RBFOX1: variants seen among roughly 807,000 people sequenced by gnomAD.
The protein encoded by RBFOX1 is RNA binding fox-1 homolog 1.
Under a neutral mutation model 57.7 loss-of-function variants are expected in RBFOX1, and 8 were observed. The observed-to-expected ratio is 0.14, with a 90% confidence interval of 0.08 to 0.25. RBFOX1 has a LOEUF of 0.25. RBFOX1 is among the 10% of genes least tolerant of loss of function. The probability of loss-of-function intolerance (pLI) is 1.00; values close to 1 mark genes in which losing one functional copy is unlikely to be tolerated. For missense variants in RBFOX1, 611 were observed against 548.5 expected, an observed-to-expected ratio of 1.11 and a Z score of -1.14; for synonymous variants, 326 against 222.4, an observed-to-expected ratio of 1.47 and a Z score of -4.15.
At chr16:6,656,821 A>C (rs1207398790) in intron 3 of RBFOX1, among the ~76,000 whole-genome samples, 2 of 152,096 alleles carry the variant, frequency 1.3e-5, no homozygotes, top group African/African-American at 4.8e-5. Context: ...TAAAATTCTC[A>C]GTGTCTTACT....
chr16:7,156,919 A>G (rs1351448834), intron 4 of RBFOX1, among the ~76,000 whole-genome samples: 2 of 152,182 alleles, frequency 1.3e-5, no homozygotes, highest in African/African-American at 4.8e-5. Context: ...TTACATTCCT[A>G]TAATATATGT....
chr16:6,858,033 C>G (rs1420825119), intron 3 of RBFOX1, among the ~76,000 whole-genome samples: 1 of 152,176 alleles, frequency 6.6e-6, no homozygotes, highest in Non-Finnish European at 1.5e-5. Flanking sequence ...TTCTCTTCTA[C>G]TCACAAATGT....
chr16:6,681,244 A>G (rs757299330), intron 3 of RBFOX1, among the ~76,000 whole-genome samples: 3 of 152,308 alleles, frequency 2.0e-5, no homozygotes, highest in African/African-American at 4.8e-5. Context: ...CCTGGAAGGC[A>G]GAGGCAGAAG....
chr16:7,288,588 C>T (rs1025824325), intron 4 of RBFOX1, among the ~76,000 whole-genome samples: 1 of 152,188 alleles, frequency 6.6e-6, no homozygotes, highest in African/African-American at 2.4e-5. Flanking sequence ...CACCTATAAC[C>T]CCAGTACTTT....
intron 2 of RBFOX1, among the ~76,000 whole-genome samples, chr16:6,333,944 AG>A (rs1209671759): frequency 6.6e-6 from 1 of 152,216 alleles, no homozygotes; most frequent in African/African-American, 2.4e-5. Flanking sequence ...TAGTACCCCG[AG>A]GGCCAAAGAA....
intron 3 of RBFOX1, among the ~76,000 whole-genome samples, chr16:6,859,248 C>T (rs188369813): frequency 9.0e-5 from 13 of 144,596 alleles, no homozygotes; most frequent in African/African-American, 3.3e-4. Context: ...GAACATGATT[C>T]TGACTCTTTA....
chr16:5,639,722 C>T (rs1407517943), intron 3 of RBFOX1, among the ~76,000 whole-genome samples: 9 of 152,170 alleles, frequency 5.9e-5, no homozygotes, highest in African/African-American at 1.9e-4. Flanking sequence ...TGGGAGGCTG[C>T]TCGGCATTTG....
chr16:6,823,376 C>T (rs979063607), intron 3 of RBFOX1, among the ~76,000 whole-genome samples: 14 of 152,018 alleles, frequency 9.2e-5, no homozygotes, highest in Admixed American at 7.2e-4. Context: ...CCTGCCTCAG[C>T]CTCCCAAGTA....
intron 1 of RBFOX1, among the ~76,000 whole-genome samples, chr16:6,260,946 GAGA>G (rs1193830160): frequency 6.6e-6 from 1 of 152,186 alleles, no homozygotes; most frequent in African/African-American, 2.4e-5. Context: ...TAATGTTGCT[GAGA>G]AGGAGAGTAA....
At chr16:7,464,709 T>G (rs2060185363) in intron 4 of RBFOX1, among the ~76,000 whole-genome samples, 1 of 139,692 alleles carries the variant, frequency 7.2e-6, no homozygotes. Flanking sequence ...TTTTTTTTTT[T>G]TTTTTGAGAC....
chr16:7,179,735 T>G (rs561072710), intron 4 of RBFOX1, among the ~76,000 whole-genome samples: 1 of 135,420 alleles, frequency 7.4e-6, no homozygotes, highest in South Asian at 2.2e-4. Context: ...CTTCCCAGAT[T>G]TTTTTTTCTT....
rs929638466 is a variant in RBFOX1, at chr16:7,280,599, C to T, written c.27+228501C>T. 4.6e-5 allele frequency among the ~76,000 whole-genome samples: 7 copies of T among 152,244 alleles called. No individual in the cohort carries two copies. In the East Asian group the frequency reaches 5.8e-4, roughly 13 times the overall value. On this transcript the variant is annotated intron_variant, in intron 4 of 15. Coordinates refer to ENST00000550418, the MANE Select transcript of RBFOX1 (RefSeq NM_018723.4). Reference sequence around the variant, plus strand: ...AGCTTGAGTGACATCTCAGTGGGGCCGCTACCTTCGGAGAGCTCCGCACAT... The same window carrying T: ...AGCTTGAGTGACATCTCAGTGGGGCTGCTACCTTCGGAGAGCTCCGCACAT...
chr16:6,961,144 C>G lies in RBFOX1; in HGVS notation c.-15-90913C>G, dbSNP rs184348348. Among the ~76,000 whole-genome samples the G allele has an allele frequency of 6.9e-3, 1,023 of 148,180 alleles. 20 individuals carry two copies. The highest frequency in any genetic ancestry group is 0.024 in the African/African-American group (973 of 40,164). On this transcript the variant is annotated intron_variant, in intron 3 of 15. Coordinates refer to ENST00000550418, the MANE Select transcript of RBFOX1 (RefSeq NM_018723.4). ...GGCAATAGAGACTCCATCACACACA[C>G]CCACACAGACACACACACGCAAAAG... is the stretch of plus-strand genomic sequence containing the variant.
intron 3 of RBFOX1, among the ~76,000 whole-genome samples, chr16:6,851,793 A>C (rs1228384691): frequency 3.3e-5 from 5 of 151,398 alleles, no homozygotes; most frequent in Non-Finnish European, 5.9e-5. Context: ...CGGACCCTTA[A>C]CTCCTTCCTC....
chr16:5,637,720 G>C (rs891140836), intron 3 of RBFOX1, among the ~76,000 whole-genome samples: 1 of 152,188 alleles, frequency 6.6e-6, no homozygotes, highest in African/African-American at 2.4e-5. Flanking sequence ...CCCTAAGGGT[G>C]GAACAGGAGA....
At chr16:6,918,044 T>G (rs185496810) in intron 3 of RBFOX1, among the ~76,000 whole-genome samples, 2 of 152,218 alleles carry the variant, frequency 1.3e-5, no homozygotes, top group Admixed American at 6.5e-5. Flanking sequence ...CCCAGCACTT[T>G]GGGAGGTCGA....
intron 4 of RBFOX1, among the ~76,000 whole-genome samples, chr16:7,426,182 A>G (rs918263268): frequency 6.6e-6 from 1 of 152,232 alleles, no homozygotes; most frequent in African/African-American, 2.4e-5. Flanking sequence ...AAGCAAACAC[A>G]GCCGAAAAGA....
rs552908793 is a variant in RBFOX1, at chr16:6,755,388, T to C, written c.-16+100738T>C. ...TGTTGTTTCCTGACTTTTTAATGAT[T>C]GCCATTCTAACTGGTGTGAGATGGT... On this transcript the variant is annotated intron_variant, in intron 3 of 15. Coordinates refer to ENST00000550418, the MANE Select transcript of RBFOX1 (RefSeq NM_018723.4). Among the ~76,000 whole-genome samples, 156 of 152,262 alleles carry C rather than the reference T, an allele frequency of 1.0e-3. 1 individual carries two copies. The highest frequency in any genetic ancestry group is 3.5e-3 in the African/African-American group (144 of 41,574).
intron 13 of RBFOX1, among the ~76,000 whole-genome samples, 192 bp downstream of exon 13, chr16:7,665,160 T>C (rs543816730): frequency 1.3e-5 from 2 of 152,152 alleles, no homozygotes; most frequent in Non-Finnish European, 2.9e-5. Context: ...ACTGGCTGTT[T>C]AGTGGGGTGG....
Sources: gnomAD v4.1 joint callset for allele counts (sites outside exome capture counted in the v4.1 genomes callset) on GRCh38, gnomAD v4.1.1 for gene constraint, MANE v1.5 for transcripts, NCBI Gene and HGNC (gene_info 2026-07-23, HGNC 2026-07-21) for gene names.